The following GLRA1 variants were observed in gnomAD, a reference collection of about 807,000 sequenced individuals.
The protein encoded by GLRA1 is glycine receptor alpha 1.
GLRA1 carries 37 observed loss-of-function variants against 48.3 expected under a neutral mutation model. That is an observed-to-expected ratio of 0.77 (90% CI 0.59 to 1.01). The LOEUF (loss-of-function observed/expected upper bound fraction) is 1.01, where lower values mean the gene tolerates loss of function less well. Ranked by LOEUF, GLRA1 falls within the 50% of genes least tolerant of loss-of-function variation. The pLI is 0.00. For missense variants in GLRA1, 427 were observed against 571.0 expected (o/e 0.75, Z 2.57); for synonymous variants, 196 against 210.7 (o/e 0.93, Z 0.60).
intron 3 of GLRA1, among the ~76,000 whole-genome samples, chr5:151,884,116 C>G (rs1424776925): frequency 6.6e-6 from 1 of 152,130 alleles, no homozygotes; most frequent in Non-Finnish European, 1.5e-5. Flanking sequence ...TGAACATTTA[C>G]AAAGCATGGA....
intron 7 of GLRA1, among the ~76,000 whole-genome samples, chr5:151,838,019 A>C (rs984476258): frequency 6.6e-6 from 1 of 152,210 alleles, no homozygotes; most frequent in African/African-American, 2.4e-5. Context: ...GCTCATACAT[A>C]GGGAGAAAAG....
rs1316916390 is a variant in GLRA1, at chr5:151,849,202, T to C, written c.912+2188A>G. On this transcript the variant is annotated intron_variant, in intron 7 of 8. Coordinates refer to ENST00000274576, the MANE Select transcript of GLRA1 (RefSeq NM_000171.4). ...TTCTTTCTTTCTTTTCTTTCTTTTC[T>C]TTCTTTCCTTCCTTTCTTCCTTCCT... 6.8e-4 allele frequency: 64 copies of C among 94,414 alleles called. 3 individuals carry two copies. The highest frequency in any genetic ancestry group is 1.9e-3 in the African/African-American group (37 of 19,714). The allele number at this position is 94,414 out of a possible 1,614,324, so 5.8% of individuals were successfully genotyped here.
intron 3 of GLRA1, among the ~76,000 whole-genome samples, chr5:151,867,599 C>A (rs1581630327): frequency 6.6e-6 from 1 of 152,132 alleles, no homozygotes; most frequent in South Asian, 2.1e-4. Context: ...CTTAAGCATG[C>A]CATACATGTC....
intron 7 of GLRA1, among the ~76,000 whole-genome samples, chr5:151,831,032 G>A (rs1763407857): frequency 6.6e-6 from 1 of 152,210 alleles, no homozygotes; most frequent in African/African-American, 2.4e-5. Flanking sequence ...ACCTCACCCA[G>A]AAAGCACAAG....
At chr5:151,837,900 G>A (rs1581604253) in intron 7 of GLRA1, among the ~76,000 whole-genome samples, 1 of 152,120 alleles carries the variant, frequency 6.6e-6, no homozygotes, top group African/African-American at 2.4e-5. Flanking sequence ...CATGACGTGT[G>A]TATACCTATG....
intron 3 of GLRA1, 150 bp from the exon 4 acceptor site, chr5:151,860,158 G>A: frequency 1.4e-6 from 1 of 694,132 alleles, no homozygotes; most frequent in Non-Finnish European, 2.6e-6. Flanking sequence ...CATAAAAGGT[G>A]TGTATCAGGC....
At chr5:151,826,883 A>G (rs916317358) in intron 8 of GLRA1, among the ~76,000 whole-genome samples, 3 of 152,196 alleles carry the variant, frequency 2.0e-5, no homozygotes, top group East Asian at 1.9e-4. Context: ...TGCTAGTAAA[A>G]TATCTTGGAC....
intron 4 of GLRA1, 23 bp from the exon 5 acceptor site, chr5:151,856,406 A>G: frequency 1.4e-6 from 2 of 1,477,804 alleles, no homozygotes; most frequent in Non-Finnish European, 1.9e-6. Flanking sequence ...GGGATTTTGA[A>G]TGATGCAGGA....
intron 7 of GLRA1, among the ~76,000 whole-genome samples, chr5:151,833,258 C>T (rs1344577957): frequency 6.6e-6 from 1 of 152,094 alleles, no homozygotes; most frequent in Non-Finnish European, 1.5e-5. Flanking sequence ...GCAAAATAAC[C>T]AGCTAGCATC....
At chr5:151,892,943 A>G (rs911618524) in intron 1 of GLRA1, among the ~76,000 whole-genome samples, 15 of 152,248 alleles carry the variant, frequency 9.9e-5, no homozygotes, top group African/African-American at 3.1e-4. Context: ...CACAAATTTT[A>G]TCAGGCATTT....
intron 1 of GLRA1, among the ~76,000 whole-genome samples, chr5:151,918,148 T>C (rs1754783661): frequency 6.6e-6 from 1 of 152,182 alleles, no homozygotes; most frequent in Admixed American, 6.5e-5. Flanking sequence ...TCAGTACCCC[T>C]CATAAGAGCT....
rs907615248 is a variant in GLRA1, at chr5:151,829,077, G to T, written c.913-10C>A. 1.2e-6 allele frequency: 2 copies of T among 1,613,254 alleles called. No individual in the cohort carries two copies. Among genetic ancestry groups the T allele is most frequent in the Non-Finnish European group, 1.7e-6 (2 of 1,179,646 alleles). On this transcript the variant is annotated splice_polypyrimidine_tract_variant and intron_variant, in intron 7 of 8. Coordinates refer to ENST00000274576, the MANE Select transcript of GLRA1 (RefSeq NM_000171.4). ...CTTTCACATAGGACACCTAGAGTGG[G>T]GGTGGAGGAGAAACAGGGAGGTGAA...
intron 8 of GLRA1, among the ~76,000 whole-genome samples, chr5:151,825,532 ATTC>A (rs1387243927): frequency 6.6e-6 from 1 of 152,118 alleles, no homozygotes; most frequent in Non-Finnish European, 1.5e-5. Context: ...AAGGCTTGCT[ATTC>A]TTATTGGAAC....
intron 1 of GLRA1, among the ~76,000 whole-genome samples, chr5:151,899,960 A>G (rs1219333225): frequency 2.0e-5 from 3 of 152,134 alleles, no homozygotes; most frequent in Non-Finnish European, 2.9e-5. Flanking sequence ...TAGCAAGGTA[A>G]AATCCTGGAT....
At chr5:151,851,184 CGTATT>C (rs1258337641) in intron 7 of GLRA1, among the ~76,000 whole-genome samples, 9 of 151,974 alleles carry the variant, frequency 5.9e-5, no homozygotes, top group Admixed American at 1.3e-4. Flanking sequence ...TCTGGCAACT[CGTATT>C]GAACATAATG....
intron 1 of GLRA1, among the ~76,000 whole-genome samples, chr5:151,920,718 T>G (rs1388058491): frequency 1.3e-5 from 2 of 152,150 alleles, no homozygotes; most frequent in African/African-American, 4.8e-5. Flanking sequence ...AATACAAACT[T>G]GCCCAAGGAA....
At chr5:151,832,020 A>G (rs777433336) in intron 7 of GLRA1, among the ~76,000 whole-genome samples, 1 of 152,152 alleles carries the variant, frequency 6.6e-6, no homozygotes, top group Non-Finnish European at 1.5e-5. Flanking sequence ...TCTGGAGTGG[A>G]CCTCCAGCAA....
At chr5:151,915,460 C>T (rs1366557090) in intron 1 of GLRA1, among the ~76,000 whole-genome samples, 1 of 151,990 alleles carries the variant, frequency 6.6e-6, no homozygotes, top group Non-Finnish European at 1.5e-5. Flanking sequence ...GCACTGATTG[C>T]AGTGGGAAAA....
At chr5:151,861,057 C>A (rs1294358801) in intron 3 of GLRA1, among the ~76,000 whole-genome samples, 1 of 152,218 alleles carries the variant, frequency 6.6e-6, no homozygotes, top group Non-Finnish European at 1.5e-5. Flanking sequence ...GACATGCACT[C>A]ATCCTTTTTT....
Sources: allele counts gnomAD v4.1 joint callset (sites outside exome capture counted in the v4.1 genomes callset), GRCh38; gene constraint gnomAD v4.1.1; transcripts MANE v1.5; gene names NCBI Gene and HGNC (gene_info 2026-07-23, HGNC 2026-07-21).